CDH23: variants seen among roughly 807,000 people sequenced by gnomAD.
CDH23 encodes the protein cadherin-23.
In CDH23, 189 loss-of-function variants were observed where a neutral mutation model predicts 317.1. That is an observed-to-expected ratio of 0.60 (90% confidence interval 0.53 to 0.67). The LOEUF is 0.67. Among genes scored for constraint, CDH23 ranks in the 30% least tolerant of loss-of-function variants. The probability of loss-of-function intolerance (pLI) is 0.00; values close to 1 mark genes in which losing one functional copy is unlikely to be tolerated. For missense variants in CDH23, 4,401 were observed against 4,592.4 expected (o/e 0.96, Z 1.20); for synonymous variants, 1,839 against 1,876.8 (o/e 0.98, Z 0.52).
chr10:71,638,715 C>CATGTAAG (rs1390992672), intron 11 of CDH23, among the ~76,000 whole-genome samples: 1 of 152,222 alleles, frequency 6.6e-6, no homozygotes, highest in Admixed American at 6.5e-5. Flanking sequence ...GAGGGCCCAA[C>CATGTAAG]ATGTAAGCTC....
intron 21 of CDH23, among the ~76,000 whole-genome samples, chr10:71,695,185 C>T (rs1429665450): frequency 6.6e-6 from 1 of 152,214 alleles, no homozygotes; most frequent in Non-Finnish European, 1.5e-5. Context: ...GGGCTTATCA[C>T]ATCCATTCCA....
intron 3 of CDH23, among the ~76,000 whole-genome samples, chr10:71,483,167 T>C (rs756704742): frequency 6.6e-6 from 1 of 152,180 alleles, no homozygotes; most frequent in Non-Finnish European, 1.5e-5. Context: ...TCTGGGAAGC[T>C]CCCTGGATGC....
intron 6 of CDH23, among the ~76,000 whole-genome samples, chr10:71,556,428 C>T (rs1405254796): frequency 6.6e-6 from 1 of 151,988 alleles, no homozygotes; most frequent in Non-Finnish European, 1.5e-5. Flanking sequence ...TGGTAAAACC[C>T]TGTCTCTACT....
chr10:71,405,362 C>G (rs536405043), intron 1 of CDH23, among the ~76,000 whole-genome samples: 6 of 151,924 alleles, frequency 3.9e-5, no homozygotes, highest in Non-Finnish European at 8.8e-5. Context: ...GAACTCTGGG[C>G]TAGACCTTTC....
rs942937952 is a variant in CDH23 at position 71,646,595 on chromosome 10, G to C, written c.1427G>C (p.Gly476Ala). The C allele has an allele frequency of 1.9e-6, 3 of 1,613,890 alleles. No homozygotes were observed. In the Admixed American group the frequency reaches 5.0e-5, roughly 27 times the overall value. The change falls in exon 14 of 70, where the codon GGG becomes GCG. Residue 476 changes from glycine (G) to alanine (A), a missense_variant. This residue lies in a region of CDH23 where 3,068 missense variants were observed against 3,203.3 expected (regional missense o/e 0.96). Coordinates refer to ENST00000224721, the MANE Select transcript of CDH23 (RefSeq NM_022124.6). Reference protein sequence around the residue: ...NISLYENVTVGTSVLTVLATD... With the variant: ...NISLYENVTVATSVLTVLATD... ...AGCCTGTACGAGAACGTCACCGTGGGGACCTCTGTGCTGACAGTCCTGGTG... is the reference window on the plus strand; with the variant it reads ...AGCCTGTACGAGAACGTCACCGTGGCGACCTCTGTGCTGACAGTCCTGGTG...
intron 3 of CDH23, among the ~76,000 whole-genome samples, chr10:71,507,915 C>T (rs1481015475): frequency 6.6e-6 from 1 of 152,194 alleles, no homozygotes; most frequent in Non-Finnish European, 1.5e-5. Context: ...CTTTGTGGCT[C>T]ACCATTGTGC....
intron 38 of CDH23, chr10:71,755,213 C>T: frequency 1.2e-6 from 1 of 817,436 alleles, no homozygotes; most frequent in Non-Finnish European, 2.0e-6. Flanking sequence ...TCGCCCAGCT[C>T]CTGGCGGGAA....
Position 71,690,554 on chromosome 10 carries a change from T to C in CDH23, c.2146T>C (p.Ser716Pro). The stretch of plus-strand genomic sequence containing the variant: ...GTCCATCATCTACTCCTTGGAAGGC[T>C]CCACCCAGTTTCGGATCAATGCCCG... ...QESIIYSLEG[S>P]TQFRINARSG... Residue 716 changes from serine (S) to proline (P), a missense_variant, in exon 20 of 70, where the codon TCC becomes CCC. Transcript: ENST00000224721. 1.9e-6 allele frequency: 3 copies of C among 1,607,576 alleles called. No homozygotes were observed. Among genetic ancestry groups the C allele is most frequent in the Non-Finnish European group, 2.5e-6 (3 of 1,177,186 alleles).
intron 9 of CDH23, among the ~76,000 whole-genome samples, chr10:71,585,468 C>T (rs1371301218): frequency 6.6e-6 from 1 of 152,230 alleles, no homozygotes; most frequent in African/African-American, 2.4e-5. Context: ...CAAGCTGGAA[C>T]AAACCTGCTG....
intron 28 of CDH23, chr10:71,713,275 C>T (rs772538334): frequency 3.1e-5 from 24 of 779,352 alleles, no homozygotes; most frequent in South Asian, 3.0e-4. Flanking sequence ...AGGGAGCAGG[C>T]GCAACAGCTC....
chr10:71,497,420 G>C (rs936691145), intron 3 of CDH23, among the ~76,000 whole-genome samples: 1 of 152,078 alleles, frequency 6.6e-6, no homozygotes, highest in African/African-American at 2.4e-5. Flanking sequence ...GGGAGCTGCC[G>C]CAAGGATTCA....
intron 7 of CDH23, among the ~76,000 whole-genome samples, chr10:71,567,648 T>C (rs12264722): frequency 0.2 from 30,951 of 152,242 alleles, 3,271 homozygotes; most frequent in East Asian, 0.33. Flanking sequence ...GCTAGACATC[T>C]CCAGGTCTCA....
intron 14 of CDH23, among the ~76,000 whole-genome samples, chr10:71,648,404 C>G (rs1863001863): frequency 6.6e-6 from 1 of 152,238 alleles, no homozygotes; most frequent in Non-Finnish European, 1.5e-5. Flanking sequence ...AGGGGAGGCT[C>G]TGTCCCCTGT....
At chr10:71,737,719 C>A in intron 34 of CDH23, 1 of 470,920 alleles carries the variant, frequency 2.1e-6, no homozygotes. Context: ...TCAGTGAACC[C>A]CTGGGTACCT....
intron 14 of CDH23, among the ~76,000 whole-genome samples, chr10:71,656,130 G>A (rs754256013): frequency 3.3e-5 from 5 of 152,124 alleles, no homozygotes; most frequent in Non-Finnish European, 5.9e-5. Context: ...GATGCAGACC[G>A]CAGCCCCAGG....
rs1396652775 is a variant in CDH23, at chr10:71,806,187, A to G, written c.8084A>G (p.Asp2695Gly). 6 of 1,565,270 alleles carry G rather than the reference A, an allele frequency of 3.8e-6. No homozygotes were observed. The African/African-American group carries it at 8.2e-5, about 21-fold the overall frequency. Residue 2695 changes from aspartate to glycine, a missense_variant, in exon 57 of 70, where the codon GAC becomes GGC. By Grantham distance (94) the Asp-to-Gly change is moderately conservative (BLOSUM62 -1). Transcript: ENST00000224721. ...TCCTAGCTCATCTTGGTGGCCAGCG[A>G]CCTGGGCCAGCCAGTGCCATACGAG... ...AVYSLILVAS[D>G]LGQPVPYETM...
At chr10:71,788,382 CTGACTGG>C (rs2132944660) in intron 44 of CDH23, among the ~76,000 whole-genome samples, 1 of 151,964 alleles carries the variant, frequency 6.6e-6, no homozygotes, top group African/African-American at 2.4e-5. Context: ...AATAGCCGTT[CTGACTGG>C]TGTGAGAGGG....
chr10:71,419,450 C>G (rs575761953), intron 1 of CDH23, among the ~76,000 whole-genome samples: 100 of 152,276 alleles, frequency 6.6e-4, no homozygotes, highest in African/African-American at 2.2e-3. Flanking sequence ...GGACATTACC[C>G]CATGGAAAGT....
chr10:71,810,512 C>G lies in CDH23; in HGVS notation c.9020C>G (p.Thr3007Arg). The part of the protein sequence containing the change: ...DKKGRVNFAQ[T>R]ELLIHVVNRD... Reference sequence around the variant, plus strand: ...AAGGGCCGGGTGAACTTTGCGCAGACAGAACTGCTTATCCACGTGGTGAAC... The same window carrying G: ...AAGGGCCGGGTGAACTTTGCGCAGAGAGAACTGCTTATCCACGTGGTGAAC... The change falls in exon 62 of 70, where the codon ACA (threonine) becomes AGA (arginine). Residue 3007 changes from threonine (T) to arginine (R), a missense_variant. Thr to Arg is a moderately conservative substitution (Grantham distance 71, BLOSUM62 -1). This residue lies in a region of CDH23 where 1,144 missense variants were observed against 1,138.2 expected (regional missense o/e 1.01). Transcript: ENST00000224721. 6.2e-7 allele frequency: 1 copy of G among 1,614,042 alleles called. No homozygotes were observed. The highest frequency in any genetic ancestry group is 8.5e-7 in the Non-Finnish European group (1 of 1,179,892).
Sources: allele counts gnomAD v4.1 joint callset (sites outside exome capture counted in the v4.1 genomes callset), GRCh38; gene constraint gnomAD v4.1.1; regional missense constraint gnomAD v4.1.1; transcripts MANE v1.5; gene names NCBI Gene and HGNC (gene_info 2026-07-23, HGNC 2026-07-21).